The following ATG2B variants were observed in gnomAD, a reference collection of about 807,000 sequenced individuals.
ATG2B encodes autophagy related 2B.
In ATG2B, 121 loss-of-function variants were observed where a neutral mutation model predicts 241.3. The ratio of observed to expected loss-of-function variants is 0.50; its 90% CI spans 0.43 to 0.58. ATG2B has a LOEUF of 0.58. Among genes scored for constraint, ATG2B ranks in the 20% least tolerant of loss-of-function variants. The pLI is 0.00. For synonymous variants in ATG2B, 858 were observed against 876.6 expected (o/e 0.98, Z 0.37); for missense variants, 2,306 against 2,491.6 (o/e 0.93, Z 1.59).
intron 1 of ATG2B, among the ~76,000 whole-genome samples, chr14:96,350,999 T>C (rs954573941): frequency 6.6e-6 from 1 of 152,170 alleles, no homozygotes; most frequent in African/African-American, 2.4e-5. Flanking sequence ...CTGTCTAAGG[T>C]ATAAAAACCT....
intron 10 of ATG2B, among the ~76,000 whole-genome samples, chr14:96,331,951 A>G (rs1432752693): frequency 6.6e-6 from 1 of 152,146 alleles, no homozygotes; most frequent in African/African-American, 2.4e-5. Context: ...CCTTGGGTCT[A>G]TATCAATTAA....
Position 96,295,558 on chromosome 14 carries a change from A to T in ATG2B, c.5142T>A (p.Asp1714Glu). The change falls in exon 35 of 42, where the codon GAT becomes GAA. Residue 1714 changes from aspartate (D) to glutamate (E), a missense_variant and splice_region_variant. Physicochemically the swap from Asp to Glu is conservative, Grantham distance 45 (BLOSUM62 2). Around this residue, in one of 2 missense-constraint regions of ATG2B, gnomAD observed 379 missense variants for 480.4 expected, o/e 0.79. Transcript: ENST00000359933. The part of the protein sequence containing the change: ...LMPLRLNIDQ[D>E]ALFFLKDFFT... ...AGAAATCCTTCAGGAAGAACAAAGC[A>T]TCCTAAAATTAAGAGATGTAATTTT... The T allele has an allele frequency of 6.3e-7, 1 of 1,591,140 alleles. No individual in the cohort carries two copies. Among genetic ancestry groups the T allele is most frequent in the Non-Finnish European group, 8.5e-7 (1 of 1,171,096 alleles).
intron 18 of ATG2B, among the ~76,000 whole-genome samples, chr14:96,320,766 G>C (rs1447583542): frequency 1.3e-5 from 2 of 152,162 alleles, no homozygotes; most frequent in Non-Finnish European, 2.9e-5. Flanking sequence ...GCTAGGCCTT[G>C]AAAGAGTCAT....
chr14:96,317,075 A>G (rs1186827519), intron 20 of ATG2B, 70 bp downstream of exon 20: 18 of 1,335,658 alleles, frequency 1.3e-5, no homozygotes, highest in African/African-American at 2.9e-5. Context: ...CAATCACTAG[A>G]TATGTATCCT....
intron 36 of ATG2B, among the ~76,000 whole-genome samples, chr14:96,294,106 TC>T (rs1301376845): frequency 6.6e-6 from 1 of 152,250 alleles, no homozygotes; most frequent in East Asian, 1.9e-4. Flanking sequence ...CTACCTATTT[TC>T]ATCACTATGC....
intron 6 of ATG2B, among the ~76,000 whole-genome samples, chr14:96,337,957 T>C (rs1443194450): frequency 4.6e-5 from 7 of 152,182 alleles, no homozygotes; most frequent in Admixed American, 2.6e-4. Context: ...CAGCAGTGTT[T>C]TGCAGTTTTC....
intron 6 of ATG2B, among the ~76,000 whole-genome samples, chr14:96,336,274 G>T (rs12432418): frequency 0.24 from 36,747 of 151,612 alleles, 5,642 homozygotes; most frequent in Admixed American, 0.35. Flanking sequence ...CCTAATTAAT[G>T]CCATCTTTAT....
At chr14:96,307,506 T>C (rs745564016) in intron 29 of ATG2B, among the ~76,000 whole-genome samples, 23 of 152,170 alleles carry the variant, frequency 1.5e-4, no homozygotes, top group Non-Finnish European at 2.4e-4. Context: ...TCCCAGTTAG[T>C]TGGCGTTGGG....
chr14:96,314,224 ATAATG>A (rs1456146722), intron 23 of ATG2B, among the ~76,000 whole-genome samples: 6 of 152,240 alleles, frequency 3.9e-5, no homozygotes, highest in Non-Finnish European at 1.5e-5. Context: ...AAGTTTTTAA[ATAATG>A]TATTATTTTC....
Position 96,285,929 on chromosome 14 carries a change from G to A in ATG2B, c.6063C>T (p.Ser2021=), listed in dbSNP as rs1886324487. The A allele has an allele frequency of 4.3e-6, 7 of 1,613,884 alleles. No homozygotes were observed. The highest frequency in any genetic ancestry group is 5.9e-6 in the Non-Finnish European group (7 of 1,180,028). The part of the protein sequence containing the change: ...IYETAAREHE[S]RGVTGAVGEV... Reference sequence around the variant, plus strand: ...CGCCCACGGCACCAGTCACCCCTCTGCTCTCGTGTTCTCGAGCCGCAGTTT... The same window carrying A: ...CGCCCACGGCACCAGTCACCCCTCTACTCTCGTGTTCTCGAGCCGCAGTTT... Residue 2021 remains serine (S), a synonymous_variant, in exon 42 of 42, where the codon AGC becomes AGT. Transcript: ENST00000359933. This position sits in a 1 kb window ranked among gnomAD's most constrained non-coding sequence, Gnocchi z 4.2.
chr14:96,342,869 C>T (rs981031887), intron 5 of ATG2B, among the ~76,000 whole-genome samples: 1 of 152,054 alleles, frequency 6.6e-6, no homozygotes, highest in African/African-American at 2.4e-5. Context: ...TCAACTTCTA[C>T]ACCATTTTCC....
chr14:96,356,394 G>A (rs1161228698), intron 1 of ATG2B, among the ~76,000 whole-genome samples: 2 of 151,974 alleles, frequency 1.3e-5, no homozygotes, highest in Admixed American at 6.6e-5. Context: ...TAATCACTGC[G>A]GAAACCCACA....
At chr14:96,356,485 T>A (rs1005653055) in intron 1 of ATG2B, among the ~76,000 whole-genome samples, 9 of 152,168 alleles carry the variant, frequency 5.9e-5, no homozygotes, top group African/African-American at 1.7e-4. Context: ...TAATTTTTTT[T>A]AACGTAGTAC....
At position 96,349,128 on chromosome 14, in the gene ATG2B, C is replaced by T. The variant is rs547566028; in HGVS notation, c.163-1787G>A. On this transcript the variant is annotated intron_variant, in intron 1 of 41. Transcript: ENST00000359933. ...AAGGAGTGCTATTTTAAGCTGGGAC[C>T]AGAAGACCAGAAGGAGTTAATCAGG... is the stretch of plus-strand genomic sequence containing the variant. Among the ~76,000 whole-genome samples the T allele has an allele frequency of 2.0e-5, 3 of 152,200 alleles. No homozygotes were observed. In the East Asian group the frequency reaches 5.8e-4, roughly 29 times the overall value.
intron 26 of ATG2B, 83 bp from the exon 27 acceptor site, chr14:96,311,701 T>C: frequency 1.2e-6 from 1 of 831,652 alleles, no homozygotes; most frequent in Non-Finnish European, 2.0e-6. Flanking sequence ...CAACTAGCAT[T>C]CCTTTAAAAT....
At chr14:96,350,649 T>C (rs1319786244) in intron 1 of ATG2B, among the ~76,000 whole-genome samples, 1 of 152,244 alleles carries the variant, frequency 6.6e-6, no homozygotes, top group African/African-American at 2.4e-5. Context: ...GCTTCCTGCA[T>C]GCTATATTGC....
intron 4 of ATG2B, among the ~76,000 whole-genome samples, chr14:96,344,266 A>C (rs1370801132): frequency 6.6e-6 from 1 of 152,256 alleles, no homozygotes; most frequent in Non-Finnish European, 1.5e-5. Context: ...ACTTAGATTA[A>C]GCACAGCAAA....
In ATG2B at chr14:96,345,335, G is replaced by C. The variant is rs753625351; in HGVS notation, c.376C>G (p.Gln126Glu). The C allele has an allele frequency of 4.7e-5, 75 of 1,612,790 alleles. No individual in the cohort carries two copies. The highest frequency in any genetic ancestry group is 6.3e-5 in the Non-Finnish European group (74 of 1,179,372). ...TGGCTAAGACATTCTTTTGCCAATT[G>C]CATACTGCTGGTCATAAAACTTGAC... is the stretch of plus-strand genomic sequence containing the variant. ...YWSSFMTSSMQLAKECLSQKL... is the reference protein window; with the variant it reads ...YWSSFMTSSMELAKECLSQKL... Residue 126 changes from glutamine to glutamate, a missense_variant, in exon 3 of 42, where the codon CAA (glutamine) becomes GAA (glutamate). By Grantham distance (29) the Gln-to-Glu change is conservative. Transcript: ENST00000359933.
At chr14:96,298,560 C>T (rs78349884) in intron 34 of ATG2B, among the ~76,000 whole-genome samples, 1,723 of 152,262 alleles carry the variant, frequency 0.011, 34 homozygotes, top group African/African-American at 0.039. Flanking sequence ...ACAGATAAAC[C>T]GTGGTATATC....
Sources: gnomAD v4.1 joint callset for allele counts (sites outside exome capture counted in the v4.1 genomes callset) on GRCh38, gnomAD v4.1.1 for gene constraint, gnomAD v4.1.1 regional missense constraint, Gnocchi (gnomAD v3.1) non-coding constraint, MANE v1.5 for transcripts, NCBI Gene and HGNC (gene_info 2026-07-23, HGNC 2026-07-21) for gene names.